Variants in ALB observed in about 807,000 individuals in gnomAD.
The protein encoded by ALB is albumin.
In ALB, 37 loss-of-function variants were observed where a neutral mutation model predicts 74.5. That is an observed-to-expected ratio of 0.50 (90% CI 0.38 to 0.65). The LOEUF (loss-of-function observed/expected upper bound fraction) is 0.65. Among genes scored for constraint, ALB ranks in the 30% least tolerant of loss-of-function variants. The pLI, the probability that ALB is intolerant of heterozygous loss-of-function variation, is 0.00. For synonymous variants in ALB, 249 were observed against 251.6 expected (o/e 0.99, Z 0.10); for missense variants, 685 against 718.7 (o/e 0.95, Z 0.54).
intron 5 of ALB, among the ~76,000 whole-genome samples, chr4:73,409,700 A>C (rs1038386072): frequency 1.3e-5 from 2 of 152,142 alleles, no homozygotes; most frequent in South Asian, 4.1e-4. Flanking sequence ...TGTCAGAGGT[A>C]ATCACTGTGC....
At chr4:73,412,531 T>G (rs1215363596) in intron 7 of ALB, among the ~76,000 whole-genome samples, 2 of 152,204 alleles carry the variant, frequency 1.3e-5, no homozygotes, top group Non-Finnish European at 2.9e-5. Context: ...GCGCAACCTC[T>G]GCCTCCTGGG....
At chr4:73,406,112 A>T (rs772164228) in intron 2 of ALB, among the ~76,000 whole-genome samples, 11 of 151,952 alleles carry the variant, frequency 7.2e-5, no homozygotes, top group Admixed American at 2.0e-4. Flanking sequence ...CAAACAAAAA[A>T]ATTAGGCATG....
At chr4:73,414,155 T>A (rs1186808648) in intron 8 of ALB, among the ~76,000 whole-genome samples, 1 of 152,226 alleles carries the variant, frequency 6.6e-6, no homozygotes, top group Non-Finnish European at 1.5e-5. Flanking sequence ...ACAAAATAAA[T>A]GTTTACATAT....
Position 73,421,471 on chromosome 4 carries a change from G to C in ALB, c.*403G>C, listed in dbSNP as rs1269657049. On this transcript the variant is annotated 3_prime_UTR_variant, in exon 15 of 15. Transcript: ENST00000295897. ...GACATTATGATAATTCTGAATAAAA[G>C]AACAAAAACCATGGTATAGGTAAGG... The C allele has an allele frequency of 5.8e-6, 1 of 171,074 alleles. No homozygotes were observed. Among genetic ancestry groups the C allele is most frequent in the African/African-American group, 2.4e-5 (1 of 42,294 alleles). The allele number at this position is 171,074 out of a possible 1,614,324, so 10.6% of individuals were successfully genotyped here.
intron 7 of ALB, 106 bp from the exon 8 acceptor site, chr4:73,413,314 T>C: frequency 9.5e-7 from 1 of 1,047,296 alleles, no homozygotes; most frequent in Non-Finnish European, 1.5e-6. Flanking sequence ...AATATGTGTA[T>C]GGTCTTAGAA....
chr4:73,417,761 ATGTG>A, intron 11 of ALB, 92 bp downstream of exon 11: 2 of 1,212,598 alleles, frequency 1.6e-6, no homozygotes, highest in East Asian at 2.6e-5. Context: ...GAAGGAAGTA[ATGTG>A]TGTGTGTGCA....
chr4:73,409,461 G>A lies in ALB; in HGVS notation c.589G>A (p.Asp197Asn). Residue 197 changes from aspartate to asparagine, a missense_variant, in exon 5 of 15, where the codon GAT becomes AAT. Transcript: ENST00000295897. ...TTTTACAGAATGTTGCCAAGCTGCT[G>A]ATAAAGCTGCCTGCCTGTTGCCAAA... The part of the protein sequence containing the change: ...AAFTECCQAA[D>N]KAACLLPKLD... 6.2e-7 allele frequency: 1 copy of A among 1,613,918 alleles called. No individual in the cohort carries two copies. The highest frequency in any genetic ancestry group is 8.5e-7 in the Non-Finnish European group (1 of 1,179,864).
Position 73,418,210 on chromosome 4 carries a change from C to T in ALB, c.1551C>T (p.Val517=), listed in dbSNP as rs1304887778. 28 of 1,613,978 alleles carry T rather than the reference C, an allele frequency of 1.7e-5. No individual in the cohort carries two copies. Among genetic ancestry groups the T allele is most frequent in the African/African-American group, 4.0e-5 (3 of 74,900 alleles). Residue 517 remains valine, a synonymous_variant, in exon 12 of 15, where the codon GTC becomes GTT. Coordinates refer to ENST00000295897, the MANE Select transcript of ALB (RefSeq NM_000477.7). ...NRRPCFSALE[V]DETYVPKEFN... is the part of the protein sequence containing the mutation. ...GACCATGCTTTTCAGCTCTGGAAGT[C>T]GATGAAACATACGTTCCCAAAGAGT...
chr4:73,406,541 T>C, intron 2 of ALB, 88 bp from the exon 3 acceptor site: 1 of 1,232,830 alleles, frequency 8.1e-7, no homozygotes, highest in Non-Finnish European at 1.2e-6. Context: ...ATAGAACCTA[T>C]ACCCATACAT....
At chr4:73,417,381 C>A in intron 10 of ALB, 150 bp from the exon 11 acceptor site, 1 of 987,426 alleles carries the variant, frequency 1.0e-6, no homozygotes. Context: ...GTTTTCTACC[C>A]TCCACTAACC....
intron 7 of ALB, among the ~76,000 whole-genome samples, chr4:73,412,744 C>G (rs1718912305): frequency 6.6e-6 from 1 of 152,196 alleles, no homozygotes; most frequent in African/African-American, 2.4e-5. Context: ...CTTGCCCAGC[C>G]TAAGAAGATT....
intron 7 of ALB, 200 bp downstream of exon 7, chr4:73,412,325 A>T (rs1347569190): frequency 1.6e-6 from 1 of 641,428 alleles, no homozygotes; most frequent in African/African-American, 1.8e-5. Flanking sequence ...AGATAAACCC[A>T]TTCACTGATT....
chr4:73,415,205 T>A (rs1405850851), intron 9 of ALB, 38 bp downstream of exon 9: 1 of 1,609,792 alleles, frequency 6.2e-7, no homozygotes, highest in Non-Finnish European at 8.5e-7. Flanking sequence ...GTTCTTTGAC[T>A]GATGATTCCA....
chr4:73,407,829 A>C (rs569665077), intron 3 of ALB, among the ~76,000 whole-genome samples: 1 of 152,256 alleles, frequency 6.6e-6, no homozygotes, highest in Non-Finnish European at 1.5e-5. Flanking sequence ...CACTCAATCT[A>C]TATATACCTC....
intron 2 of ALB, 97 bp from the exon 3 acceptor site, chr4:73,406,532 T>C (rs1718733746): frequency 4.3e-6 from 5 of 1,169,904 alleles, no homozygotes; most frequent in Non-Finnish European, 6.2e-6. Flanking sequence ...GTATAAAAGA[T>C]AGAACCTATA....
At chr4:73,406,034 G>A (rs1194172520) in intron 2 of ALB, among the ~76,000 whole-genome samples, 5 of 152,134 alleles carry the variant, frequency 3.3e-5, no homozygotes, top group African/African-American at 9.7e-5. Flanking sequence ...GGCTGATGCA[G>A]GAGGATTGCT....
chr4:73,404,432 C>G, intron 1 of ALB, 26 bp downstream of exon 1: 1 of 1,562,212 alleles, frequency 6.4e-7, no homozygotes, highest in Non-Finnish European at 8.8e-7. Flanking sequence ...TTCTATTGTT[C>G]AACTTTTATT....
rs112921623 is a variant in ALB at position 73,405,176 on chromosome 4, A to G, written c.137+3A>G. 6.2e-7 allele frequency: 1 copy of G among 1,602,090 alleles called. No homozygotes were observed. Among genetic ancestry groups the G allele is most frequent in the South Asian group, 1.1e-5 (1 of 90,832 alleles). On this transcript the variant is annotated splice_donor_region_variant and intron_variant, in intron 2 of 14. Transcript: ENST00000295897. ...GGAGAAGAAAATTTCAAAGCCTTGT[A>G]AGTTAAAATATTGATGAATCAAATT...
intron 3 of ALB, among the ~76,000 whole-genome samples, chr4:73,407,259 C>T (rs1718756650): frequency 6.6e-6 from 1 of 152,112 alleles, no homozygotes; most frequent in African/African-American, 2.4e-5. Flanking sequence ...TTAGTAACCC[C>T]TCGTTTCGTC....
Sources: gnomAD v4.1 joint callset for allele counts (sites outside exome capture counted in the v4.1 genomes callset) on GRCh38, gnomAD v4.1.1 for gene constraint, MANE v1.5 for transcripts, NCBI Gene and HGNC (gene_info 2026-07-23, HGNC 2026-07-21) for gene names.